The following KLF12 variants were observed in gnomAD, a reference collection of about 807,000 sequenced individuals.
KLF12 encodes the protein KLF transcription factor 12.
In KLF12, 9 loss-of-function variants were observed where a neutral mutation model predicts 37.8. That is an observed-to-expected ratio of 0.24 (90% CI 0.14 to 0.42). The LOEUF (loss-of-function observed/expected upper bound fraction) is 0.42. Ranked by LOEUF, KLF12 falls within the 10% of genes least tolerant of loss-of-function variation. The probability of loss-of-function intolerance (pLI) is 1.00; values close to 1 mark genes in which losing one functional copy is unlikely to be tolerated. For synonymous variants in KLF12, 208 were observed against 202.1 expected, an observed-to-expected ratio of 1.03 and a Z score of -0.25; for missense variants, 411 against 516.0, an observed-to-expected ratio of 0.80 and a Z score of 1.97.
intron 1 of KLF12, among the ~76,000 whole-genome samples, chr13:74,101,692 T>G (rs1876351994): frequency 6.6e-6 from 1 of 152,124 alleles, no homozygotes; most frequent in South Asian, 2.1e-4. Flanking sequence ...GTGGCTTGCA[T>G]TCACCAAATA....
intron 6 of KLF12, among the ~76,000 whole-genome samples, chr13:73,730,002 G>A (rs1174376854): frequency 2.0e-5 from 3 of 152,032 alleles, no homozygotes; most frequent in Non-Finnish European, 4.4e-5. Flanking sequence ...ACATTTCTGG[G>A]ACTTTAGTTC....
the KLF12 span, among the ~76,000 whole-genome samples, chr13:74,282,072 A>G: frequency 0.017 from 2,614 of 152,276 alleles, 88 homozygotes; most frequent in African/African-American, 0.06. Flanking sequence ...GGAGGAGTTT[A>G]GGGGAAGGTG....
intron 3 of KLF12, among the ~76,000 whole-genome samples, chr13:73,875,335 C>G (rs899455611): frequency 6.6e-6 from 1 of 152,058 alleles, no homozygotes; most frequent in Non-Finnish European, 1.5e-5. Flanking sequence ...CGATATAGTT[C>G]TAATATTTTT....
intron 3 of KLF12, among the ~76,000 whole-genome samples, chr13:73,907,475 T>G (rs550853303): frequency 4.6e-5 from 7 of 152,200 alleles, no homozygotes; most frequent in Non-Finnish European, 1.0e-4. Context: ...GTAACTTTCC[T>G]AATTCCAACA....
chr13:74,276,876 A>G, the KLF12 span, among the ~76,000 whole-genome samples: 1 of 152,218 alleles, frequency 6.6e-6, no homozygotes, highest in Non-Finnish European at 1.5e-5. Context: ...TGCTTGCAAT[A>G]GATGATTGGA....
At chr13:73,819,336 G>A (rs1014791385) in intron 4 of KLF12, among the ~76,000 whole-genome samples, 1 of 152,184 alleles carries the variant, frequency 6.6e-6, no homozygotes, top group Non-Finnish European at 1.5e-5. Context: ...TACCCTGACA[G>A]TAAATTTACT....
intron 5 of KLF12, among the ~76,000 whole-genome samples, chr13:73,771,948 T>C (rs1283364641): frequency 2.6e-5 from 4 of 152,156 alleles, no homozygotes; most frequent in Admixed American, 2.0e-4. Context: ...AGTATGAAAG[T>C]GAATACAAGG....
At chr13:74,008,402 C>A (rs939758253) in intron 1 of KLF12, among the ~76,000 whole-genome samples, 3 of 152,180 alleles carry the variant, frequency 2.0e-5, no homozygotes, top group African/African-American at 7.2e-5. Context: ...CTCATAAAGT[C>A]CTTTACATCA....
At chr13:74,116,911 T>C (rs1315405213) in intron 1 of KLF12, among the ~76,000 whole-genome samples, 1 of 152,088 alleles carries the variant, frequency 6.6e-6, no homozygotes, top group Admixed American at 6.6e-5. Flanking sequence ...AATGAAAAGT[T>C]AGCCAAGAGC....
chr13:73,914,357 G>T (rs1327413467), intron 3 of KLF12, among the ~76,000 whole-genome samples: 1 of 152,168 alleles, frequency 6.6e-6, no homozygotes, highest in African/African-American at 2.4e-5. Flanking sequence ...TCATCAGCAG[G>T]GGGTGGTTGT....
chr13:73,696,279 T>G (rs888957806), intron 7 of KLF12, among the ~76,000 whole-genome samples: 4 of 152,138 alleles, frequency 2.6e-5, no homozygotes, highest in African/African-American at 9.7e-5. Flanking sequence ...TAGTGTAAAG[T>G]TTAAGTACAT....
rs146076239 is a variant in KLF12 at position 73,857,031 on chromosome 13, T to G, written c.124-10658A>C. Among the ~76,000 whole-genome samples the G allele has an allele frequency of 3.0e-4, 46 of 152,062 alleles. No individual in the cohort carries two copies. The East Asian group carries it at 8.3e-3, about 27-fold the overall frequency. ...AAATATAATAAACTAAAATTAAAAT[T>G]AAATAAATTTTAAAACAAAATAAAA... On this transcript the variant is annotated intron_variant, in intron 3 of 7. Transcript: ENST00000377669.
rs1485740420 is a variant in KLF12, at chr13:73,711,225, G to A, written c.1027+4143C>T. On this transcript the variant is annotated intron_variant, in intron 7 of 7. Coordinates refer to ENST00000377669, the MANE Select transcript of KLF12 (RefSeq NM_007249.5). Reference sequence around the variant, plus strand: ...ATATAAGTGCAAGTTGTAGCAGCAAGTGCTGATGTAGAAGCTGCAGCAAGG... The same window carrying A: ...ATATAAGTGCAAGTTGTAGCAGCAAATGCTGATGTAGAAGCTGCAGCAAGG... Among the ~76,000 whole-genome samples, 5 of 152,360 alleles carry A rather than the reference G, an allele frequency of 3.3e-5. No individual in the cohort carries two copies. The South Asian group carries it at 8.3e-4, about 25-fold the overall frequency.
rs1555308731 is a variant in KLF12 at position 73,810,982 on chromosome 13, C to CTTTCTTTTTTTTTTTTTTT, written c.806+2169_806+2170insAAAAAAAAAAAAAAAGAAA. Among the ~76,000 whole-genome samples, 28 of 44,816 alleles carry CTTTCTTTTTTTTTTTTTTT rather than the reference C, an allele frequency of 6.2e-4. 3 individuals are homozygous for CTTTCTTTTTTTTTTTTTTT. The highest frequency in any genetic ancestry group is 1.9e-3 in the African/African-American group (22 of 11,870). 29.4% of individuals were successfully genotyped at this position (44,816 alleles called of 152,430 possible). A position where few individuals can be genotyped will look rare whatever the true frequency, so the allele number is the denominator to read the frequency against. ...ATGTTTATTTTTTTAATTTTTCTTT[C>CTTTCTTTTTTTTTTTTTTT]TTTTTTTTTTTTTTTTTTTTTTTTT... On this transcript the variant is annotated intron_variant, in intron 5 of 7. Transcript: ENST00000377669.
At chr13:74,248,360 A>T in the KLF12 span, among the ~76,000 whole-genome samples, 297 of 152,354 alleles carry the variant, frequency 1.9e-3, 1 homozygote, top group African/African-American at 6.6e-3. Flanking sequence ...GTTGGCCAAG[A>T]TAAAGACTAT....
chr13:74,177,976 G>A, the KLF12 span, among the ~76,000 whole-genome samples: 5 of 152,160 alleles, frequency 3.3e-5, no homozygotes, highest in Admixed American at 6.5e-5. Context: ...AACAGAAACC[G>A]CTCAGGTCTA....
At chr13:74,064,749 T>C (rs370592795) in intron 1 of KLF12, among the ~76,000 whole-genome samples, 5 of 152,184 alleles carry the variant, frequency 3.3e-5, no homozygotes, top group African/African-American at 1.2e-4. Flanking sequence ...GTACTAACCA[T>C]CAAATTTTAG....
At chr13:74,035,227 T>C (rs1593846395) in intron 1 of KLF12, among the ~76,000 whole-genome samples, 1 of 152,248 alleles carries the variant, frequency 6.6e-6, no homozygotes, top group East Asian at 1.9e-4. Context: ...CCATATACTT[T>C]AAATCATCTC....
At chr13:73,991,192 G>T (rs1891961390) in intron 2 of KLF12, among the ~76,000 whole-genome samples, 1 of 152,070 alleles carries the variant, frequency 6.6e-6, no homozygotes, top group South Asian at 2.1e-4. Context: ...CATACTAGTT[G>T]GTATCATTAT....
Sources: allele counts gnomAD v4.1 joint callset (sites outside exome capture counted in the v4.1 genomes callset), GRCh38; gene constraint gnomAD v4.1.1; transcripts MANE v1.5; gene names NCBI Gene and HGNC (gene_info 2026-07-23, HGNC 2026-07-21).